ARL15: variants seen among roughly 807,000 people sequenced by gnomAD.
The protein encoded by ARL15 is ADP-ribosylation factor-like protein 15.
In ARL15, 19 loss-of-function variants were observed where a neutral mutation model predicts 25.2. The observed-to-expected ratio is 0.75, with a 90% CI of 0.53 to 1.10. ARL15 has a LOEUF of 1.10. Among genes scored for constraint, ARL15 ranks in the 50% least tolerant of loss-of-function variants. The pLI, the probability that ARL15 is intolerant of heterozygous loss-of-function variation, is 0.00. For missense variants in ARL15, 220 were observed against 246.0 expected, an observed-to-expected ratio of 0.89 and a Z score of 0.71; for synonymous variants, 94 against 86.8, an observed-to-expected ratio of 1.08 and a Z score of -0.46.
chr5:54,072,273 GGGCTTGGTTGAACAGATTTTGAACT>G (rs1248439925), intron 4 of ARL15, among the ~76,000 whole-genome samples: 3 of 152,104 alleles, frequency 2.0e-5, no homozygotes, highest in African/African-American at 7.2e-5. Flanking sequence ...CTCCACACAC[GGGCTTGGTTGAACAGATTTTGAACT>G]GGCCAAGGTC....
intron 4 of ARL15, among the ~76,000 whole-genome samples, chr5:54,040,376 T>C (rs1253603722): frequency 3.3e-5 from 5 of 152,184 alleles, no homozygotes; most frequent in African/African-American, 1.2e-4. Flanking sequence ...TCTAACAAGA[T>C]ATTTGTTAAT....
intron 4 of ARL15, among the ~76,000 whole-genome samples, chr5:54,060,588 A>C (rs899655592): frequency 2.0e-5 from 3 of 152,130 alleles, no homozygotes; most frequent in South Asian, 2.1e-4. Flanking sequence ...AGCCATGTGG[A>C]ACTGTAAGTC....
chr5:54,263,994 C>T (rs1222580762), intron 1 of ARL15, among the ~76,000 whole-genome samples: 18 of 152,114 alleles, frequency 1.2e-4, no homozygotes, highest in Admixed American at 1.2e-3. Flanking sequence ...CTACCAACTC[C>T]TTCAGTATAT....
chr5:54,262,218 C>T (rs1023148320), intron 1 of ARL15, among the ~76,000 whole-genome samples: 1 of 152,138 alleles, frequency 6.6e-6, no homozygotes, highest in Non-Finnish European at 1.5e-5. Context: ...CCCCAAGATC[C>T]AAGCCACCAT....
rs59145507 is a variant in ARL15 at position 53,899,347 on chromosome 5, CAAAAAAAAAAAAAA to C, written c.463-12648_463-12635del. ...TGGGTAACAGAGTGAGACTCTATCC[CAAAAAAAAAAAAAA>C]AAAAAAAAAAAAAAAAAAAAAAAAA... On this transcript the variant is annotated intron_variant, in intron 4 of 4. Coordinates refer to ENST00000504924, the MANE Select transcript of ARL15 (RefSeq NM_019087.3). Among the ~76,000 whole-genome samples, 203 of 89,364 alleles carry C rather than the reference CAAAAAAAAAAAAAA, an allele frequency of 2.3e-3. 4 individuals are homozygous for C. The highest frequency in any genetic ancestry group is 9.8e-3 in the African/African-American group (180 of 18,352). The allele number at this position is 89,364 out of a possible 152,430, so 58.6% of individuals were successfully genotyped here.
chr5:54,146,347 A>C lies in ARL15; in HGVS notation c.253+8233T>G, dbSNP rs1753910447. On this transcript the variant is annotated intron_variant, in intron 3 of 4. Coordinates refer to ENST00000504924, the MANE Select transcript of ARL15 (RefSeq NM_019087.3). ...AAGCAAGATAGATACTATGACTTTC[A>C]AGATAAAAATAAACTAGTTACGTTA... is the stretch of plus-strand genomic sequence containing the variant. 1.2e-4 allele frequency among the ~76,000 whole-genome samples: 18 copies of C among 152,206 alleles called. 1 individual carries two copies. Among genetic ancestry groups the C allele is most frequent in the Admixed American group, 1.2e-3 (18 of 15,280 alleles).
intron 1 of ARL15, among the ~76,000 whole-genome samples, chr5:54,190,419 A>T (rs1220930698): frequency 6.6e-6 from 1 of 152,012 alleles, no homozygotes; most frequent in African/African-American, 2.4e-5. Context: ...TTACAGTGAG[A>T]TATCATTAGG....
intron 4 of ARL15, among the ~76,000 whole-genome samples, chr5:54,107,044 C>A (rs950295538): frequency 6.6e-6 from 1 of 151,960 alleles, no homozygotes; most frequent in Non-Finnish European, 1.5e-5. Flanking sequence ...ACTGAACTTA[C>A]AGTTCCACAT....
chr5:54,121,779 A>C lies in ARL15; in HGVS notation c.254-8369T>G, dbSNP rs1262362123. 3.3e-5 allele frequency among the ~76,000 whole-genome samples: 5 copies of C among 152,286 alleles called. No individual in the cohort carries two copies. In the East Asian group the frequency reaches 9.6e-4, roughly 29 times the overall value. Reference sequence around the variant, plus strand: ...TCTAAGTAACATGAAAACTCCGCTTAATTGTTCCAAGCCTCAGTTTCCCTC... The same window carrying C: ...TCTAAGTAACATGAAAACTCCGCTTCATTGTTCCAAGCCTCAGTTTCCCTC... On this transcript the variant is annotated intron_variant, in intron 3 of 4. Transcript: ENST00000504924.
intron 4 of ARL15, among the ~76,000 whole-genome samples, chr5:53,957,313 A>C (rs889145688): frequency 6.6e-6 from 1 of 152,170 alleles, no homozygotes; most frequent in African/African-American, 2.4e-5. Context: ...CAACATTTTT[A>C]AAGTGCTGAA....
intron 4 of ARL15, among the ~76,000 whole-genome samples, chr5:54,073,362 A>G (rs1380671067): frequency 6.6e-6 from 1 of 152,234 alleles, no homozygotes; most frequent in Non-Finnish European, 1.5e-5. Flanking sequence ...GACAAAACAC[A>G]TTGCCCAAAC....
chr5:54,173,913 G>C (rs1754789005), intron 1 of ARL15, among the ~76,000 whole-genome samples: 1 of 152,104 alleles, frequency 6.6e-6, no homozygotes, highest in African/African-American at 2.4e-5. Flanking sequence ...CTAATATGCT[G>C]TTCCTTCTTC....
intron 1 of ARL15, among the ~76,000 whole-genome samples, chr5:54,199,614 G>C (rs1161821385): frequency 1.3e-5 from 2 of 151,610 alleles, no homozygotes; most frequent in Non-Finnish European, 2.9e-5. Context: ...ACACCAGTTA[G>C]AATGGCAGTC....
At chr5:54,097,731 A>G (rs1467320515) in intron 4 of ARL15, among the ~76,000 whole-genome samples, 1 of 152,240 alleles carries the variant, frequency 6.6e-6, no homozygotes, top group Non-Finnish European at 1.5e-5. Flanking sequence ...AAGAAGAATA[A>G]GATGTAAAAT....
chr5:53,943,780 A>G (rs932934199), intron 4 of ARL15, among the ~76,000 whole-genome samples: 2 of 152,188 alleles, frequency 1.3e-5, no homozygotes, highest in South Asian at 4.1e-4. Flanking sequence ...TGAGAGCTGG[A>G]GTTTCCAAGA....
chr5:54,228,736 A>C (rs1407867340), intron 1 of ARL15, among the ~76,000 whole-genome samples: 1 of 152,168 alleles, frequency 6.6e-6, no homozygotes, highest in Non-Finnish European at 1.5e-5. Flanking sequence ...ATTCCCTTTA[A>C]TGAATTTCAG....
At chr5:54,016,165 T>A (rs1749420684) in intron 4 of ARL15, among the ~76,000 whole-genome samples, 1 of 152,172 alleles carries the variant, frequency 6.6e-6, no homozygotes, top group East Asian at 1.9e-4. Flanking sequence ...TCAGTTCATG[T>A]CTTAGGCTTG....
At chr5:53,914,064 C>G (rs1038731960) in intron 4 of ARL15, among the ~76,000 whole-genome samples, 4 of 151,652 alleles carry the variant, frequency 2.6e-5, no homozygotes, top group Non-Finnish European at 4.4e-5. Flanking sequence ...GTGTTTTAAT[C>G]AGTTCATTAT....
At chr5:54,050,376 T>C (rs938163663) in intron 4 of ARL15, among the ~76,000 whole-genome samples, 2 of 152,236 alleles carry the variant, frequency 1.3e-5, no homozygotes, top group South Asian at 4.1e-4. Context: ...CTTACCTTCC[T>C]ACTTTACTAG....
Sources: allele counts gnomAD v4.1 joint callset (sites outside exome capture counted in the v4.1 genomes callset), GRCh38; gene constraint gnomAD v4.1.1; transcripts MANE v1.5; gene names NCBI Gene and HGNC (gene_info 2026-07-23, HGNC 2026-07-21).